The following CDH11 variants were observed in gnomAD, a reference collection of about 807,000 sequenced individuals.
CDH11 encodes cadherin-11.
A neutral mutation model predicts 67.8 loss-of-function variants in CDH11; 11 were observed. The ratio of observed to expected loss-of-function variants is 0.16; its 90% confidence interval spans 0.10 to 0.27. The LOEUF is 0.27. Ranked by LOEUF, CDH11 falls within the 10% of genes least tolerant of loss-of-function variation. The pLI is 1.00. For synonymous variants in CDH11, 419 were observed against 400.0 expected (o/e 1.05, Z -0.57); for missense variants, 847 against 1,031.2 (o/e 0.82, Z 2.45).
intron 1 of CDH11, chr16:65,072,084 C>G (rs930033994): frequency 1.3e-5 from 2 of 152,466 alleles, no homozygotes; most frequent in African/African-American, 4.8e-5. Flanking sequence ...AGCTAGCCGC[C>G]GAGGGACTTC....
chr16:65,010,018 T>C (rs2073143110), intron 2 of CDH11, among the ~76,000 whole-genome samples: 1 of 152,202 alleles, frequency 6.6e-6, no homozygotes, highest in African/African-American at 2.4e-5. Context: ...GAAATTGTTA[T>C]TGGGTGGAGA....
intron 2 of CDH11, among the ~76,000 whole-genome samples, chr16:65,048,436 T>C (rs141120086): frequency 1.2e-4 from 18 of 152,258 alleles, no homozygotes; most frequent in African/African-American, 4.1e-4. Flanking sequence ...AAACGGAACC[T>C]GCACCCATGT....
intron 2 of CDH11, among the ~76,000 whole-genome samples, chr16:65,040,086 AACACTTTT>A (rs1949760415): frequency 6.6e-6 from 1 of 152,200 alleles, no homozygotes; most frequent in Admixed American, 6.5e-5. Flanking sequence ...GAGAAATAGG[AACACTTTT>A]ACACTGTTGG....
At position 65,013,038 on chromosome 16, in the gene CDH11, G is replaced by T. The variant is rs1269923932; in HGVS notation, c.-172-7997C>A. 2.6e-5 allele frequency among the ~76,000 whole-genome samples: 4 copies of T among 152,214 alleles called. No homozygotes were observed. The South Asian group carries it at 8.3e-4, about 32-fold the overall frequency. ...AGTATCTCCTTCTATAAAATAGGAG[G>T]TTGGAAATAGCCTATAAATGGTCTC... On this transcript the variant is annotated intron_variant, in intron 2 of 12. Transcript: ENST00000268603.
At chr16:65,110,733 C>G (rs138426569) in intron 1 of CDH11, among the ~76,000 whole-genome samples, 1 of 151,350 alleles carries the variant, frequency 6.6e-6, no homozygotes, top group African/African-American at 2.4e-5. Flanking sequence ...GGCATTCTAG[C>G]TTCCAGGAAA....
At chr16:65,109,941 G>A (rs1396782280) in intron 1 of CDH11, among the ~76,000 whole-genome samples, 1 of 152,142 alleles carries the variant, frequency 6.6e-6, no homozygotes, top group East Asian at 1.9e-4. Flanking sequence ...GAGTGCAGTG[G>A]CGCAATCCCA....
chr16:64,968,112 C>A (rs2071892102), intron 11 of CDH11, among the ~76,000 whole-genome samples: 1 of 152,182 alleles, frequency 6.6e-6, no homozygotes, highest in South Asian at 2.1e-4. Flanking sequence ...GTACAACCAA[C>A]AGGGCCCTCC....
At chr16:65,099,594 G>A (rs542574128) in intron 1 of CDH11, among the ~76,000 whole-genome samples, 2 of 152,200 alleles carry the variant, frequency 1.3e-5, no homozygotes, top group African/African-American at 4.8e-5. Context: ...TTGTGTCTTT[G>A]TTACTGTCAC....
intron 7 of CDH11, chr16:64,986,260 T>C (rs1302451780): frequency 7.0e-6 from 1 of 143,552 alleles, no homozygotes; most frequent in Non-Finnish European, 1.6e-5. Context: ...ACAAATGCAA[T>C]AACATCTTAC....
At chr16:64,989,181 G>T (rs1214528937) in intron 6 of CDH11, among the ~76,000 whole-genome samples, 1 of 152,118 alleles carries the variant, frequency 6.6e-6, no homozygotes. Context: ...AGGGTTCTGA[G>T]AGTGGGTGTG....
rs1231768655 is a variant in CDH11 at position 64,948,111 on chromosome 16, G to C, written c.1895-12C>G. The C allele has an allele frequency of 1.2e-6, 2 of 1,602,904 alleles. No homozygotes were observed. The highest frequency in any genetic ancestry group is 1.7e-6 in the Non-Finnish European group (2 of 1,174,610). On this transcript the variant is annotated splice_polypyrimidine_tract_variant and intron_variant, in intron 12 of 12. Transcript: ENST00000268603. ...CAATACTACAATGACTGGAGGGAAAGAAAAAGAAGGTAAGCATTCGTTAAG... is the reference window on the plus strand; with the variant it reads ...CAATACTACAATGACTGGAGGGAAACAAAAAGAAGGTAAGCATTCGTTAAG...
intron 1 of CDH11, among the ~76,000 whole-genome samples, chr16:65,092,244 A>G (rs900392811): frequency 6.6e-6 from 1 of 152,176 alleles, no homozygotes; most frequent in Non-Finnish European, 1.5e-5. Flanking sequence ...TAAAAAATAT[A>G]TACACAGATG....
intron 2 of CDH11, among the ~76,000 whole-genome samples, chr16:65,029,523 C>G (rs945944823): frequency 2.0e-4 from 31 of 152,182 alleles, no homozygotes; most frequent in African/African-American, 7.0e-4. Flanking sequence ...GATGTTTTCC[C>G]CCCAGTGAAG....
chr16:64,948,842 T>C, intron 12 of CDH11: 1 of 1,196,792 alleles, frequency 8.4e-7, no homozygotes. Flanking sequence ...AGTTTAATTC[T>C]TCATTGATTC....
intron 9 of CDH11, 128 bp from the exon 10 acceptor site, chr16:64,972,192 C>T (rs2072026180): frequency 2.6e-6 from 2 of 761,028 alleles, no homozygotes; most frequent in Non-Finnish European, 2.2e-6. Flanking sequence ...GTTCTTGTCA[C>T]AGAATCGATT....
intron 1 of CDH11, among the ~76,000 whole-genome samples, chr16:65,091,604 T>G (rs1378875989): frequency 6.7e-6 from 1 of 149,004 alleles, no homozygotes; most frequent in African/African-American, 2.5e-5. Context: ...CGGGCTGGAG[T>G]GCAGTGGTGC....
intron 11 of CDH11, among the ~76,000 whole-genome samples, chr16:64,964,272 T>C (rs1220452671): frequency 6.6e-6 from 1 of 152,182 alleles, no homozygotes; most frequent in African/African-American, 2.4e-5. Context: ...ATCTACCCTA[T>C]ATGGCACAGC....
At chr16:64,998,068 T>C (rs2072819617) in intron 4 of CDH11, among the ~76,000 whole-genome samples, 1 of 152,232 alleles carries the variant, frequency 6.6e-6, no homozygotes, top group South Asian at 2.1e-4. Context: ...TTCAAGCATG[T>C]TGAAAAGATA....
rs1271041880 is a variant in CDH11, at chr16:64,988,079, G to A, written c.999+78C>T. The A allele has an allele frequency of 3.6e-5, 42 of 1,151,662 alleles. No individual in the cohort carries two copies. Among genetic ancestry groups the A allele is most frequent in the Middle Eastern group, 2.1e-4 (1 of 4,860 alleles). 71.3% of individuals were successfully genotyped at this position (1,151,662 alleles called of 1,614,324 possible). A position where few individuals can be genotyped will look rare whatever the true frequency, so the allele number is the denominator to read the frequency against. On this transcript the variant is annotated intron_variant, in intron 7 of 12. Coordinates refer to ENST00000268603, the MANE Select transcript of CDH11 (RefSeq NM_001797.4). ...CGCAAATTCTCATTTCTTAACCGTCGCCTCCCTGTTTCTTGCAGTGTTGCC... is the reference window on the plus strand; with the variant it reads ...CGCAAATTCTCATTTCTTAACCGTCACCTCCCTGTTTCTTGCAGTGTTGCC...
Sources: allele counts gnomAD v4.1 joint callset (sites outside exome capture counted in the v4.1 genomes callset), GRCh38; gene constraint gnomAD v4.1.1; transcripts MANE v1.5; gene names NCBI Gene and HGNC (gene_info 2026-07-23, HGNC 2026-07-21).